Variants in PEX3 observed in about 807,000 individuals in gnomAD.
PEX3 encodes peroxin-3.
Under a neutral mutation model 55.8 loss-of-function variants are expected in PEX3, and 30 were observed. The ratio of observed to expected loss-of-function variants is 0.54; its 90% CI spans 0.40 to 0.73. PEX3 has a LOEUF of 0.73. Ranked by LOEUF, PEX3 falls within the 30% of genes least tolerant of loss-of-function variation. The probability of loss-of-function intolerance (pLI) is 0.00; values close to 1 mark genes in which losing one functional copy is unlikely to be tolerated. For synonymous variants in PEX3, 135 were observed against 148.4 expected (o/e 0.91, Z 0.66); for missense variants, 351 against 432.8 (o/e 0.81, Z 1.68).
chr6:143,483,719 G>A lies in PEX3; in HGVS notation c.942-1433G>A, dbSNP rs118035082. Among the ~76,000 whole-genome samples, 236 of 152,218 alleles carry A rather than the reference G, an allele frequency of 1.6e-3. 3 individuals are homozygous for A. The highest frequency in any genetic ancestry group is 2.8e-3 in the Non-Finnish European group (190 of 67,990). Reference sequence around the variant, plus strand: ...GTGGAAAAGGAATTGGGTAAACAGGGACTGGGGCAGGACAGACAAATGGAT... The same window carrying A: ...GTGGAAAAGGAATTGGGTAAACAGGAACTGGGGCAGGACAGACAAATGGAT... On this transcript the variant is annotated intron_variant, in intron 10 of 11. Transcript: ENST00000367591. This position sits in a 1 kb window ranked among gnomAD's most constrained non-coding sequence, Gnocchi z 4.3.
Position 143,450,830 on chromosome 6 carries a change from G to A in PEX3, c.-213G>A. On this transcript the variant is annotated 5_prime_UTR_variant, in exon 1 of 12. Coordinates refer to ENST00000367591, the MANE Select transcript of PEX3 (RefSeq NM_003630.3). ...AGTGAGCGGCGGCGGCTGCGCGGCGGCAGCGGCAGAAAGCGTAGCTGCTTT... is the reference window on the plus strand; with the variant it reads ...AGTGAGCGGCGGCGGCTGCGCGGCGACAGCGGCAGAAAGCGTAGCTGCTTT... 1.3e-6 allele frequency: 1 copy of A among 770,746 alleles called. No individual in the cohort carries two copies. The highest frequency in any genetic ancestry group is 2.2e-6 in the Non-Finnish European group (1 of 463,880). 47.7% of individuals were successfully genotyped at this position (770,746 alleles called of 1,614,324 possible).
intron 10 of PEX3, among the ~76,000 whole-genome samples, chr6:143,484,708 GT>G (rs1780290093): frequency 1.3e-5 from 2 of 152,018 alleles, no homozygotes; most frequent in Non-Finnish European, 2.9e-5. Context: ...GTGATTTCAT[GT>G]TTATACAAAA....
rs1257258585 is a variant in PEX3, at chr6:143,482,823, T to A, written c.942-2329T>A. Reference sequence around the variant, plus strand: ...GGTTTAAGCATTTAAATATACTAAGTAAAAACAAATATACTGATCGAAAAC... The same window carrying A: ...GGTTTAAGCATTTAAATATACTAAGAAAAAACAAATATACTGATCGAAAAC... On this transcript the variant is annotated intron_variant, in intron 10 of 11. Transcript: ENST00000367591. The surrounding 1 kb of genome is among the most constrained non-coding windows in gnomAD (Gnocchi z 5.5). Among the ~76,000 whole-genome samples the A allele has an allele frequency of 6.6e-6, 1 of 151,944 alleles. No individual in the cohort carries two copies. The highest frequency in any genetic ancestry group is 2.4e-5 in the African/African-American group (1 of 41,402).
In PEX3 at chr6:143,489,100, A is replaced by C. The variant is rs752745129; in HGVS notation, c.1039-43A>C. 1.6e-5 allele frequency: 20 copies of C among 1,252,994 alleles called. No individual in the cohort carries two copies. Among genetic ancestry groups the C allele is most frequent in the South Asian group, 1.2e-4 (10 of 83,714 alleles). The allele number at this position is 1,252,994 out of a possible 1,614,324, so 77.6% of individuals were successfully genotyped here. On this transcript the variant is annotated intron_variant, in intron 11 of 11. Coordinates refer to ENST00000367591, the MANE Select transcript of PEX3 (RefSeq NM_003630.3). This position sits in a 1 kb window ranked among gnomAD's most constrained non-coding sequence, Gnocchi z 5.5. ...TTGCAGAAATTAATTCAAATTAGCTATATGTTTTGCAAACTATAATGTTAT... is the reference window on the plus strand; with the variant it reads ...TTGCAGAAATTAATTCAAATTAGCTCTATGTTTTGCAAACTATAATGTTAT...
In PEX3 at chr6:143,476,916, C is replaced by T. The variant is rs930650518; in HGVS notation, c.818+2060C>T. 2.6e-5 allele frequency among the ~76,000 whole-genome samples: 4 copies of T among 151,954 alleles called. No individual in the cohort carries two copies. Among genetic ancestry groups the T allele is most frequent in the Non-Finnish European group, 5.9e-5 (4 of 67,972 alleles). On this transcript the variant is annotated intron_variant, in intron 9 of 11. Coordinates refer to ENST00000367591, the MANE Select transcript of PEX3 (RefSeq NM_003630.3). This position sits in a 1 kb window ranked among gnomAD's most constrained non-coding sequence, Gnocchi z 5.4. Reference sequence around the variant, plus strand: ...CAGTCCAACATTTAGAGTTTGGGATCGGGGGAAGAGCCAGCAAAGGAGACT... The same window carrying T: ...CAGTCCAACATTTAGAGTTTGGGATTGGGGGAAGAGCCAGCAAAGGAGACT...
At chr6:143,473,989 T>A (rs1438080938) in intron 8 of PEX3, among the ~76,000 whole-genome samples, 1 of 151,136 alleles carries the variant, frequency 6.6e-6, no homozygotes, top group Non-Finnish European at 1.5e-5. Flanking sequence ...GAAAAATTAG[T>A]ATGGTGGCCC....
chr6:143,468,121 G>T lies in PEX3; in HGVS notation c.288-1G>T. The T allele has an allele frequency of 6.5e-7, 1 of 1,531,570 alleles. No individual in the cohort carries two copies. Among genetic ancestry groups the T allele is most frequent in the South Asian group, 1.1e-5 (1 of 87,762 alleles). The allele number at this position is 1,531,570 out of a possible 1,614,324, so 94.9% of individuals were successfully genotyped here. On this transcript the variant is annotated splice_acceptor_variant, in intron 3 of 11. Coordinates refer to ENST00000367591, the MANE Select transcript of PEX3 (RefSeq NM_003630.3). LOFTEE classifies it high-confidence loss of function. Reference sequence around the variant, plus strand: ...TCATATTTTTAAATTTTGTTCTTTAGGCCTTCAAACAAGCTAGAAATATGG... The same window carrying T: ...TCATATTTTTAAATTTTGTTCTTTATGCCTTCAAACAAGCTAGAAATATGG...
In PEX3 at chr6:143,452,149, C is replaced by G. The variant is rs150043265; in HGVS notation, c.73+1034C>G. The stretch of plus-strand genomic sequence containing the variant: ...TCCCCAAACAATTTGCAATTAATAC[C>G]TTTAGCATCAATAGTTCAGATTTTG... On this transcript the variant is annotated intron_variant, in intron 1 of 11. Coordinates refer to ENST00000367591, the MANE Select transcript of PEX3 (RefSeq NM_003630.3). Among the ~76,000 whole-genome samples, 290 of 152,154 alleles carry G rather than the reference C, an allele frequency of 1.9e-3. 1 individual carries two copies. Among genetic ancestry groups the G allele is most frequent in the African/African-American group, 6.5e-3 (268 of 41,506 alleles).
At chr6:143,477,268 C>T (rs972338362) in intron 9 of PEX3, among the ~76,000 whole-genome samples, 1 of 152,136 alleles carries the variant, frequency 6.6e-6, no homozygotes, top group Non-Finnish European at 1.5e-5. Context: ...GAGATTTTGA[C>T]TTTAACACTT....
chr6:143,474,724 A>C, intron 8 of PEX3, 62 bp from the exon 9 acceptor site: 1 of 849,440 alleles, frequency 1.2e-6, no homozygotes, highest in South Asian at 1.3e-5. Flanking sequence ...GAATGTGATT[A>C]GTTTCATCAT....
chr6:143,477,929 A>G (rs1478889195), intron 9 of PEX3, among the ~76,000 whole-genome samples: 1 of 152,124 alleles, frequency 6.6e-6, no homozygotes, highest in African/African-American at 2.4e-5. Context: ...ACTCCTAGGT[A>G]TCTACCAAAA....
chr6:143,478,563 C>G (rs918858990), intron 9 of PEX3, among the ~76,000 whole-genome samples: 2 of 151,894 alleles, frequency 1.3e-5, no homozygotes, highest in Non-Finnish European at 2.9e-5. Flanking sequence ...ATATATTATT[C>G]TTTATATTAA....
At chr6:143,470,246 C>T (rs1182690441) in intron 4 of PEX3, among the ~76,000 whole-genome samples, 1 of 152,160 alleles carries the variant, frequency 6.6e-6, no homozygotes, top group East Asian at 1.9e-4. Context: ...CCGTGCCTAG[C>T]CTATGCTTTC....
Position 143,475,132 on chromosome 6 carries a change from G to A in PEX3, c.818+276G>A, listed in dbSNP as rs943152918. 6.6e-6 allele frequency among the ~76,000 whole-genome samples: 1 copy of A among 151,940 alleles called. No homozygotes were observed. The highest frequency in any genetic ancestry group is 2.4e-5 in the African/African-American group (1 of 41,354). ...GGATTGTCCACTTTTTTGTTATTCAGATTTCCACCTCATCATTTCATGAAG... is the reference window on the plus strand; with the variant it reads ...GGATTGTCCACTTTTTTGTTATTCAAATTTCCACCTCATCATTTCATGAAG... On this transcript the variant is annotated intron_variant, in intron 9 of 11. Transcript: ENST00000367591. This position sits in a 1 kb window ranked among gnomAD's most constrained non-coding sequence, Gnocchi z 4.4.
Position 143,489,604 on chromosome 6 carries a change from ATAGGTC to A in PEX3, c.*383_*388del. The A allele has an allele frequency of 6.5e-6, 1 of 154,604 alleles. No individual in the cohort carries two copies. The highest frequency in any genetic ancestry group is 2.0e-4 in the South Asian group (1 of 4,916). The allele number at this position is 154,604 out of a possible 1,614,324, so 9.6% of individuals were successfully genotyped here. A position where few individuals can be genotyped will look rare whatever the true frequency, so the allele number is the denominator to read the frequency against. On this transcript the variant is annotated 3_prime_UTR_variant, in exon 12 of 12. Transcript: ENST00000367591. The surrounding 1 kb of genome is among the most constrained non-coding windows in gnomAD (Gnocchi z 5.5). ...TACTGAGGAAAAATCTGTTGGAGAC[ATAGGTC>A]TAGGATGTGTGAAGTTTGGAAAAAT...
chr6:143,480,643 A>G (rs1487067694), intron 10 of PEX3, among the ~76,000 whole-genome samples: 1 of 152,200 alleles, frequency 6.6e-6, no homozygotes, highest in African/African-American at 2.4e-5. Context: ...TTCATGCTCC[A>G]TGATTGAACC....
rs1780303810 is a variant in PEX3 at position 143,485,362 on chromosome 6, G to T, written c.1038+114G>T. On this transcript the variant is annotated intron_variant, in intron 11 of 11. Coordinates refer to ENST00000367591, the MANE Select transcript of PEX3 (RefSeq NM_003630.3). This position sits in a 1 kb window ranked among gnomAD's most constrained non-coding sequence, Gnocchi z 5.6. ...TGAGAGGTTTTTTCAAAAAATCACA[G>T]AACTTGGAACTACATGTAGAGTATG... 2 of 727,800 alleles carry T rather than the reference G, an allele frequency of 2.7e-6. No individual in the cohort carries two copies. Among genetic ancestry groups the T allele is most frequent in the East Asian group, 5.2e-5 (2 of 38,684 alleles). The allele number at this position is 727,800 out of a possible 1,614,324, so 45.1% of individuals were successfully genotyped here. A position where few individuals can be genotyped will look rare whatever the true frequency, so the allele number is the denominator to read the frequency against.
In PEX3 at chr6:143,482,002, CA is replaced by C. The variant is rs1780248831; in HGVS notation, c.941+2808del. Among the ~76,000 whole-genome samples, 1 of 151,960 alleles carries C rather than the reference CA, an allele frequency of 6.6e-6. No homozygotes were observed. The highest frequency in any genetic ancestry group is 1.5e-5 in the Non-Finnish European group (1 of 67,992). On this transcript the variant is annotated intron_variant, in intron 10 of 11. Coordinates refer to ENST00000367591, the MANE Select transcript of PEX3 (RefSeq NM_003630.3). The surrounding 1 kb of genome is among the most constrained non-coding windows in gnomAD (Gnocchi z 5.5). ...TATATAAAAAAAGAGTATTTGAAATCAAAAGCAAATATACTTAATAGTAAAA... is the reference window on the plus strand; with the variant it reads ...TATATAAAAAAAGAGTATTTGAAATCAAAGCAAATATACTTAATAGTAAAA...
chr6:143,470,237 C>T (rs1231260943), intron 4 of PEX3, among the ~76,000 whole-genome samples: 4 of 152,300 alleles, frequency 2.6e-5, no homozygotes, highest in Admixed American at 6.5e-5. Flanking sequence ...CATAAGCCAC[C>T]GTGCCTAGCC....
Sources: allele counts gnomAD v4.1 joint callset (sites outside exome capture counted in the v4.1 genomes callset), GRCh38; gene constraint gnomAD v4.1.1; non-coding constraint Gnocchi (gnomAD v3.1); transcripts MANE v1.5; gene names NCBI Gene and HGNC (gene_info 2026-07-23, HGNC 2026-07-21).